MEP1A: variants seen among roughly 807,000 people sequenced by gnomAD.
MEP1A encodes the protein N-benzoyl-L-tyrosyl-P-amino-benzoic acid hydrolase subunit alpha.
Under a neutral mutation model 84.5 loss-of-function variants are expected in MEP1A, and 68 were observed. The ratio of observed to expected loss-of-function variants is 0.80; its 90% CI spans 0.66 to 0.98. The LOEUF (loss-of-function observed/expected upper bound fraction) is 0.98, where lower values mean the gene tolerates loss of function less well. Ranked by LOEUF, MEP1A falls within the 50% of genes least tolerant of loss-of-function variation. The pLI is 0.00. For synonymous variants in MEP1A, 337 were observed against 336.8 expected (o/e 1.00, Z -0.01); for missense variants, 887 against 919.9 (o/e 0.96, Z 0.46).
chr6:46,809,643 G>T, intron 6 of MEP1A, 106 bp downstream of exon 6: 1 of 651,872 alleles, frequency 1.5e-6, no homozygotes, highest in Non-Finnish European at 2.7e-6. Context: ...TTGTCTTTGC[G>T]TCCTCATAAC....
chr6:46,797,684 C>T (rs1440891959), intron 3 of MEP1A, among the ~76,000 whole-genome samples: 1 of 152,280 alleles, frequency 6.6e-6, no homozygotes, highest in Non-Finnish European at 1.5e-5. Flanking sequence ...AGTTTTGATG[C>T]TCACTTGGCC....
rs1188471487 is a variant in MEP1A, at chr6:46,826,582, T to G, written c.928+79T>G. ...GTTATGCCAGCCACCATGTTTTGCC[T>G]CAGTCAGAATGTTAGTTATCAAACT... On this transcript the variant is annotated intron_variant, in intron 9 of 13. Coordinates refer to ENST00000230588, the MANE Select transcript of MEP1A (RefSeq NM_005588.3). The G allele has an allele frequency of 3.2e-6, 4 of 1,242,306 alleles. No homozygotes were observed. In the Admixed American group the frequency reaches 1.2e-4, roughly 37 times the overall value. 77.0% of individuals were successfully genotyped at this position (1,242,306 alleles called of 1,614,324 possible). A position where few individuals can be genotyped will look rare whatever the true frequency, so the allele number is the denominator to read the frequency against.
chr6:46,797,339 T>C (rs1174665281), intron 3 of MEP1A, among the ~76,000 whole-genome samples: 1 of 152,246 alleles, frequency 6.6e-6, no homozygotes, highest in African/African-American at 2.4e-5. Context: ...AGAGTTATGA[T>C]AAGTGATGCT....
In MEP1A at chr6:46,833,111, G is replaced by C; in HGVS notation, c.1182G>C (p.Val394=). The change falls in exon 11 of 14, where the codon GTG becomes GTC. Residue 394 remains valine, a synonymous_variant. Coordinates refer to ENST00000230588, the MANE Select transcript of MEP1A (RefSeq NM_005588.3). ...DDHNWKIAHV[V]LKEEQKFRYL... Reference sequence around the variant, plus strand: ...ACAATTGGAAAATTGCCCATGTGGTGCTCAAAGAGGAACAGAAGTTTCGCT... The same window carrying C: ...ACAATTGGAAAATTGCCCATGTGGTCCTCAAAGAGGAACAGAAGTTTCGCT... 6.5e-7 allele frequency: 1 copy of C among 1,538,784 alleles called. No homozygotes were observed.
chr6:46,802,291 G>A (rs1194946356), intron 5 of MEP1A, among the ~76,000 whole-genome samples: 1 of 151,712 alleles, frequency 6.6e-6, no homozygotes, highest in African/African-American at 2.4e-5. Flanking sequence ...TAGAGACCTT[G>A]TGTGTCTTTG....
chr6:46,843,920 T>C (rs1203391927), downstream of MEP1A, among the ~76,000 whole-genome samples: 1 of 152,230 alleles, frequency 6.6e-6, no homozygotes, highest in Non-Finnish European at 1.5e-5. Context: ...ATTATTCTTG[T>C]TTGACTACAG....
intron 6 of MEP1A, among the ~76,000 whole-genome samples, chr6:46,812,386 T>C (rs953308564): frequency 1.3e-5 from 2 of 152,042 alleles, no homozygotes; most frequent in African/African-American, 4.8e-5. Context: ...ATCTCACTAA[T>C]AATCTATCAA....
chr6:46,814,834 C>T (rs1014697909), intron 6 of MEP1A, among the ~76,000 whole-genome samples: 1 of 151,904 alleles, frequency 6.6e-6, no homozygotes, highest in Non-Finnish European at 1.5e-5. Flanking sequence ...ATCTAGCCAC[C>T]CAGCAGAGCT....
intron 7 of MEP1A, among the ~76,000 whole-genome samples, chr6:46,821,104 G>A (rs776096020): frequency 3.2e-4 from 48 of 152,158 alleles, no homozygotes; most frequent in Non-Finnish European, 6.5e-4. Flanking sequence ...GACTGTAGTA[G>A]TTCATTTTGG....
chr6:46,836,621 C>T (rs943886589), intron 13 of MEP1A, among the ~76,000 whole-genome samples: 1 of 152,130 alleles, frequency 6.6e-6, no homozygotes, highest in African/African-American at 2.4e-5. Flanking sequence ...TTATTCAGCT[C>T]TTCCCAGTTT....
chr6:46,837,415 C>T (rs1174287066), intron 13 of MEP1A, among the ~76,000 whole-genome samples: 1 of 152,200 alleles, frequency 6.6e-6, no homozygotes, highest in Non-Finnish European at 1.5e-5. Context: ...CTTTCTGGCA[C>T]CATAACATGC....
intron 13 of MEP1A, among the ~76,000 whole-genome samples, chr6:46,836,042 A>G (rs752008323): frequency 6.6e-6 from 1 of 152,208 alleles, no homozygotes; most frequent in Non-Finnish European, 1.5e-5. Context: ...CTTGTTATGC[A>G]TCATGTAGTC....
chr6:46,817,197 G>A (rs984045295), intron 6 of MEP1A, among the ~76,000 whole-genome samples: 2 of 152,184 alleles, frequency 1.3e-5, no homozygotes, highest in Admixed American at 6.5e-5. Flanking sequence ...GGGAGGAGGG[G>A]TTAGGAAAGG....
chr6:46,804,989 G>A (rs916746329), intron 5 of MEP1A, among the ~76,000 whole-genome samples: 1 of 151,770 alleles, frequency 6.6e-6, no homozygotes, highest in African/African-American at 2.4e-5. Context: ...TTCTTGGGAT[G>A]CATCAATGTT....
At chr6:46,807,801 A>AAG (rs1474714750) in intron 5 of MEP1A, among the ~76,000 whole-genome samples, 1 of 147,568 alleles carries the variant, frequency 6.8e-6, no homozygotes, top group African/African-American at 2.5e-5. Context: ...GAAAGAAAGA[A>AAG]AGAAAGAAAG....
chr6:46,800,999 T>G (rs1767186949), intron 5 of MEP1A, among the ~76,000 whole-genome samples: 1 of 152,224 alleles, frequency 6.6e-6, no homozygotes, highest in Non-Finnish European at 1.5e-5. Context: ...TAAATTCTTT[T>G]TTTAAACTAC....
intron 6 of MEP1A, among the ~76,000 whole-genome samples, chr6:46,810,825 T>C (rs1040762256): frequency 1.7e-4 from 26 of 152,184 alleles, no homozygotes; most frequent in African/African-American, 6.3e-4. Flanking sequence ...CATTGGTCTA[T>C]GTATCTATTT....
At chr6:46,798,721 C>A in intron 4 of MEP1A, 75 bp downstream of exon 4, 1 of 1,303,184 alleles carries the variant, frequency 7.7e-7, no homozygotes, top group Non-Finnish European at 1.1e-6. Context: ...TGCTCTGCGG[C>A]CAGCCCTGGG....
rs1364480327 is a variant in MEP1A, at chr6:46,824,991, AATAG to A, written c.557-278_557-275del. On this transcript the variant is annotated intron_variant, in intron 7 of 13. Transcript: ENST00000230588. ...TAAATATATATAAATTATATATTTAAATAGATCTATTTAAGTATATATAAATTAT... is the reference window on the plus strand; with the variant it reads ...TAAATATATATAAATTATATATTTAAATCTATTTAAGTATATATAAATTAT... Among the ~76,000 whole-genome samples, 42 of 131,714 alleles carry A rather than the reference AATAG, an allele frequency of 3.2e-4. 1 individual carries two copies. The highest frequency in any genetic ancestry group is 1.2e-3 in the African/African-American group (40 of 34,604). The allele number at this position is 131,714 out of a possible 152,430, so 86.4% of individuals were successfully genotyped here. A position where few individuals can be genotyped will look rare whatever the true frequency, so the allele number is the denominator to read the frequency against.
Sources: allele counts gnomAD v4.1 joint callset (sites outside exome capture counted in the v4.1 genomes callset), GRCh38; gene constraint gnomAD v4.1.1; transcripts MANE v1.5; gene names NCBI Gene and HGNC (gene_info 2026-07-23, HGNC 2026-07-21).